The following NLGN1 variants were observed in gnomAD, a reference collection of about 807,000 sequenced individuals.
NLGN1 encodes the protein neuroligin 1, also known as neuroligin-1.
Under a neutral mutation model 65.5 loss-of-function variants are expected in NLGN1, and 12 were observed. The ratio of observed to expected loss-of-function variants is 0.18; its 90% CI spans 0.12 to 0.30. NLGN1 has a LOEUF of 0.30. NLGN1 is among the 10% of genes least tolerant of loss of function. NLGN1 has a pLI of 1.00. For missense variants in NLGN1, 750 were observed against 1,007.1 expected (o/e 0.74, Z 3.46); for synonymous variants, 350 against 359.5 (o/e 0.97, Z 0.30).
chr3:173,883,398 A>G (rs1373447279), intron 4 of NLGN1, among the ~76,000 whole-genome samples: 2 of 152,188 alleles, frequency 1.3e-5, no homozygotes, highest in Non-Finnish European at 2.9e-5. Flanking sequence ...CAAAACAATT[A>G]CAATAGTAAA....
chr3:173,788,913 G>A (rs929406637), intron 3 of NLGN1, among the ~76,000 whole-genome samples: 2 of 148,084 alleles, frequency 1.4e-5, no homozygotes, highest in African/African-American at 4.9e-5. Context: ...AAGAAAGGAT[G>A]TTGGCCGGGC....
intron 2 of NLGN1, among the ~76,000 whole-genome samples, chr3:173,590,512 T>A (rs563059331): frequency 6.6e-6 from 1 of 152,280 alleles, no homozygotes; most frequent in South Asian, 2.1e-4. Context: ...GGGATTTTTG[T>A]CTGGTTTGTT....
chr3:174,205,107 T>A (rs955171341), intron 4 of NLGN1, among the ~76,000 whole-genome samples: 3 of 152,144 alleles, frequency 2.0e-5, no homozygotes, highest in African/African-American at 7.2e-5. Context: ...TGATTCAAAA[T>A]TTTAAAAAAA....
At chr3:173,450,851 C>T (rs1008168830) in intron 2 of NLGN1, among the ~76,000 whole-genome samples, 3 of 152,112 alleles carry the variant, frequency 2.0e-5, no homozygotes, top group Admixed American at 6.6e-5. Flanking sequence ...CAGTTGATCG[C>T]GTCGGTTACT....
chr3:174,081,977 C>T (rs535843756), intron 4 of NLGN1, among the ~76,000 whole-genome samples: 1 of 152,240 alleles, frequency 6.6e-6, no homozygotes, highest in African/African-American at 2.4e-5. Context: ...CCAGTTTATC[C>T]ATATGAGAGA....
intron 4 of NLGN1, among the ~76,000 whole-genome samples, chr3:173,929,715 T>C (rs1242900370): frequency 6.6e-6 from 1 of 151,606 alleles, no homozygotes; most frequent in Non-Finnish European, 1.5e-5. Context: ...TTTTTTTTTT[T>C]CTTTTTGAGA....
At chr3:173,611,716 T>C (rs1402037340) in intron 3 of NLGN1, among the ~76,000 whole-genome samples, 1 of 152,062 alleles carries the variant, frequency 6.6e-6, no homozygotes, top group Non-Finnish European at 1.5e-5. Flanking sequence ...CATCAGTTGT[T>C]CCATTGTTTA....
chr3:173,525,224 G>C lies in NLGN1; in HGVS notation c.-320-79055G>C, dbSNP rs569707093. ...GCTGTGAATCTGTCTGGTCCTGGGT[G>C]GGTTTTTTGTTGTTGTTGTTGTTGT... On this transcript the variant is annotated intron_variant, in intron 2 of 6. Coordinates refer to ENST00000457714, the Ensembl canonical transcript of NLGN1. Among the ~76,000 whole-genome samples the C allele has an allele frequency of 1.7e-4, 23 of 136,818 alleles. No homozygotes were observed. In the East Asian group the frequency reaches 5.9e-3, roughly 35 times the overall value. 89.8% of individuals were successfully genotyped at this position (136,818 alleles called of 152,430 possible).
intron 4 of NLGN1, among the ~76,000 whole-genome samples, chr3:174,071,401 A>G (rs1739827032): frequency 6.6e-6 from 1 of 152,070 alleles, no homozygotes; most frequent in Non-Finnish European, 1.5e-5. Flanking sequence ...TGTCAGGTGG[A>G]TCAGGTTTGA....
At chr3:173,490,712 C>T (rs538787140) in intron 2 of NLGN1, among the ~76,000 whole-genome samples, 46 of 152,130 alleles carry the variant, frequency 3.0e-4, no homozygotes, top group Non-Finnish European at 1.5e-4. Flanking sequence ...GATATTGATT[C>T]TTCCTATCCA....
At chr3:173,945,887 C>T (rs1747054418) in intron 4 of NLGN1, among the ~76,000 whole-genome samples, 1 of 152,166 alleles carries the variant, frequency 6.6e-6, no homozygotes, top group Non-Finnish European at 1.5e-5. Context: ...TGCAATCTCC[C>T]TGTGAAAATA....
At chr3:173,975,350 A>G (rs570424363) in intron 4 of NLGN1, among the ~76,000 whole-genome samples, 1 of 151,954 alleles carries the variant, frequency 6.6e-6, no homozygotes, top group East Asian at 1.9e-4. Context: ...TTTCTAATCA[A>G]TGAAGAGTGG....
At chr3:173,828,053 C>T (rs537750645) in intron 4 of NLGN1, among the ~76,000 whole-genome samples, 3 of 152,032 alleles carry the variant, frequency 2.0e-5, no homozygotes, top group Non-Finnish European at 4.4e-5. Flanking sequence ...CACATTGACA[C>T]ATGAAATTAA....
chr3:173,760,406 A>G (rs950990273), intron 3 of NLGN1, among the ~76,000 whole-genome samples: 1 of 151,818 alleles, frequency 6.6e-6, no homozygotes, highest in African/African-American at 2.4e-5. Flanking sequence ...TATGAGAATC[A>G]TAATAGTTTC....
rs561755998 is a variant in NLGN1, at chr3:174,019,925, A to G, written c.646+212093A>G. ...ATCTGGCCCTCAGGTCTATGTCACA[A>G]GATTGTATGATTAATTTAACAGTAT... is the stretch of plus-strand genomic sequence containing the variant. On this transcript the variant is annotated intron_variant, in intron 4 of 6. Transcript: ENST00000457714. 2.0e-5 allele frequency among the ~76,000 whole-genome samples: 3 copies of G among 152,260 alleles called. No individual in the cohort carries two copies. The East Asian group carries it at 5.8e-4, about 29-fold the overall frequency.
downstream of NLGN1, among the ~76,000 whole-genome samples, chr3:174,290,614 A>G (rs1752659727): frequency 6.6e-6 from 1 of 151,046 alleles, no homozygotes; most frequent in Non-Finnish European, 1.5e-5. Flanking sequence ...AGTTTTTTTA[A>G]ATGACTATAA....
chr3:174,124,751 G>A (rs771235410), intron 4 of NLGN1, among the ~76,000 whole-genome samples: 23 of 150,286 alleles, frequency 1.5e-4, no homozygotes, highest in Non-Finnish European at 2.8e-4. Context: ...TATTACACAC[G>A]TATATAAAAT....
chr3:173,941,699 A>G (rs945526383), intron 4 of NLGN1, among the ~76,000 whole-genome samples: 12 of 151,750 alleles, frequency 7.9e-5, no homozygotes, highest in East Asian at 1.9e-4. Context: ...TATAGTGTGT[A>G]TATATATATA....
chr3:173,881,081 G>A (rs1243605112), intron 4 of NLGN1, among the ~76,000 whole-genome samples: 2 of 148,732 alleles, frequency 1.3e-5, no homozygotes, highest in Non-Finnish European at 3.0e-5. Flanking sequence ...ACATCTTCAG[G>A]CTCCCTCCTT....
Sources: gnomAD v4.1 joint callset for allele counts (sites outside exome capture counted in the v4.1 genomes callset) on GRCh38, gnomAD v4.1.1 for gene constraint, MANE v1.5 for transcripts, NCBI Gene and HGNC (gene_info 2026-07-23, HGNC 2026-07-21) for gene names.